KCNK10: variants seen among roughly 807,000 people sequenced by gnomAD.
KCNK10 encodes the protein potassium two pore domain channel subfamily K member 10.
KCNK10 carries 25 observed loss-of-function variants against 47.7 expected under a neutral mutation model. The observed-to-expected ratio is 0.52, with a 90% CI of 0.38 to 0.73. KCNK10 has a LOEUF of 0.73. Among genes scored for constraint, KCNK10 ranks in the 30% least tolerant of loss-of-function variants. The probability of loss-of-function intolerance (pLI) is 0.00; values close to 1 mark genes in which losing one functional copy is unlikely to be tolerated. For synonymous variants in KCNK10, 303 were observed against 285.6 expected (o/e 1.06, Z -0.61); for missense variants, 563 against 714.5 (o/e 0.79, Z 2.42).
chr14:88,298,469 T>A (rs2139787740), intron 1 of KCNK10, among the ~76,000 whole-genome samples: 1 of 152,248 alleles, frequency 6.6e-6, no homozygotes, highest in Middle Eastern at 3.4e-3. Flanking sequence ...ACAATCACCA[T>A]CCTCCACTGC....
In KCNK10 at chr14:88,240,808, C is replaced by T. The variant is rs868795034; in HGVS notation, c.415G>A (p.Ala139Thr). The change falls in exon 3 of 7, where the codon GCT becomes ACT. Residue 139 changes from alanine (A) to threonine (T), a missense_variant. Ala to Thr is a moderately conservative substitution (Grantham distance 58). Transcript: ENST00000319231. ...LETLIQHALD[A>T]DNAGVSPIGN... ...ATTGGACTGACTCCCGCATTGTCAG[C>T]ATCAAGAGCATGCTGCAAAGAAAGG... 4.4e-6 allele frequency: 7 copies of T among 1,604,628 alleles called. No individual in the cohort carries two copies. The Middle Eastern group carries it at 9.9e-4, about 227-fold the overall frequency.
In KCNK10 at chr14:88,193,628, G is replaced by A. The variant is rs117775311; in HGVS notation, c.682-1218C>T. 9.4e-3 allele frequency among the ~76,000 whole-genome samples: 1,429 copies of A among 152,272 alleles called. 9 individuals are homozygous for A. The highest frequency in any genetic ancestry group is 0.015 in the Non-Finnish European group (997 of 68,010). On this transcript the variant is annotated intron_variant, in intron 4 of 6. Coordinates refer to ENST00000319231, the MANE Select transcript of KCNK10 (RefSeq NM_138317.3). Reference sequence around the variant, plus strand: ...AATCAATATAGGAAATCCGTACCATGAGACCTGCATCCTCTTCATCGCACC... The same window carrying A: ...AATCAATATAGGAAATCCGTACCATAAGACCTGCATCCTCTTCATCGCACC...
rs138181944 is a variant in KCNK10 at position 88,192,914 on chromosome 14, T to G, written c.682-504A>C. On this transcript the variant is annotated intron_variant, in intron 4 of 6. Transcript: ENST00000319231. Reference sequence around the variant, plus strand: ...AAAAATTATCTGAGTCAGGCCAAAATGTTTGGATGAAACGGAAAACACAGT... The same window carrying G: ...AAAAATTATCTGAGTCAGGCCAAAAGGTTTGGATGAAACGGAAAACACAGT... Among the ~76,000 whole-genome samples, 85 of 152,318 alleles carry G rather than the reference T, an allele frequency of 5.6e-4. No individual in the cohort carries two copies. In the South Asian group the frequency reaches 7.0e-3, roughly 13 times the overall value.
intron 1 of KCNK10, among the ~76,000 whole-genome samples, chr14:88,320,531 T>C (rs1036806843): frequency 1.6e-4 from 24 of 152,172 alleles, no homozygotes; most frequent in Admixed American, 1.6e-3. Flanking sequence ...CTTGGATGGC[T>C]TGGGGACATG....
chr14:88,188,511 C>T (rs1884645688), intron 5 of KCNK10, among the ~76,000 whole-genome samples: 1 of 152,108 alleles, frequency 6.6e-6, no homozygotes, highest in Non-Finnish European at 1.5e-5. Flanking sequence ...ATCATATCAC[C>T]CCCTATGGTT....
intron 2 of KCNK10, among the ~76,000 whole-genome samples, chr14:88,256,369 A>T (rs1886955330): frequency 6.6e-6 from 1 of 152,152 alleles, no homozygotes; most frequent in Non-Finnish European, 1.5e-5. Flanking sequence ...GCCTGAGCCC[A>T]CCGGGTCCCT....
chr14:88,189,499 C>T (rs1194158520), intron 5 of KCNK10, among the ~76,000 whole-genome samples: 1 of 152,106 alleles, frequency 6.6e-6, no homozygotes, highest in Admixed American at 6.5e-5. Flanking sequence ...CTTTGCAAGT[C>T]ACTATTACCC....
chr14:88,258,513 A>G (rs1887021692), intron 2 of KCNK10, among the ~76,000 whole-genome samples: 1 of 151,774 alleles, frequency 6.6e-6, no homozygotes, highest in Non-Finnish European at 1.5e-5. Context: ...CTGGTCTCAA[A>G]CTCCTGACAT....
chr14:88,299,203 A>G lies in KCNK10; in HGVS notation c.52+23544T>C, dbSNP rs572564770. ...AATATCTGCAAAAGTGTCATATAGT[A>G]TCTGGCAAATACTTGTTGAAGTGAA... On this transcript the variant is annotated intron_variant, in intron 1 of 6. Transcript: ENST00000319231. Among the ~76,000 whole-genome samples the G allele has an allele frequency of 2.6e-5, 4 of 152,336 alleles. No individual in the cohort carries two copies. The South Asian group carries it at 6.2e-4, about 24-fold the overall frequency.
chr14:88,312,974 T>C (rs1177020278), intron 1 of KCNK10, among the ~76,000 whole-genome samples: 3 of 152,192 alleles, frequency 2.0e-5, no homozygotes, highest in Non-Finnish European at 2.9e-5. Flanking sequence ...TGTGGTTAAG[T>C]AGAAAATGCA....
chr14:88,270,898 G>A (rs1310328354), intron 1 of KCNK10: 10 of 764,502 alleles, frequency 1.3e-5, no homozygotes, highest in Non-Finnish European at 1.7e-5. Flanking sequence ...TAAAGTGCAG[G>A]CTCCATGCCT....
chr14:88,201,808 T>C (rs972307957), intron 4 of KCNK10, among the ~76,000 whole-genome samples: 3 of 152,236 alleles, frequency 2.0e-5, no homozygotes, highest in Non-Finnish European at 4.4e-5. Context: ...CTAAATGTAA[T>C]GAATAAAGTA....
chr14:88,227,429 G>A lies in KCNK10; in HGVS notation c.627C>T (p.Asp209=). Residue 209 remains aspartate, a synonymous_variant, in exon 4 of 7, where the codon GAC becomes GAT. Coordinates refer to ENST00000319231, the MANE Select transcript of KCNK10 (RefSeq NM_138317.3). Reference sequence around the variant, plus strand: ...TTTTCCCAAAGATGGTTCCAAGTTGGTCTCCAATTCCAGCCAATAAGAAAC... The same window carrying A: ...TTTTCCCAAAGATGGTTCCAAGTTGATCTCCAATTCCAGCCAATAAGAAAC... ...LFGFLLAGIG[D]QLGTIFGKSI... The A allele has an allele frequency of 1.2e-6, 2 of 1,613,618 alleles. No homozygotes were observed. The highest frequency in any genetic ancestry group is 8.5e-7 in the Non-Finnish European group (1 of 1,179,860).
At chr14:88,218,493 C>A (rs1362689901) in intron 4 of KCNK10, among the ~76,000 whole-genome samples, 1 of 151,512 alleles carries the variant, frequency 6.6e-6, no homozygotes, top group East Asian at 1.9e-4. Context: ...CAGTGACACC[C>A]AGAATCATTT....
chr14:88,279,365 G>A (rs1447839250), intron 1 of KCNK10, among the ~76,000 whole-genome samples: 3 of 8,798 alleles, frequency 3.4e-4, no homozygotes, highest in African/African-American at 7.5e-4. Context: ...TGCCAGATAC[G>A]TGTGTGTGTG....
chr14:88,302,590 A>T (rs907247580), intron 1 of KCNK10, among the ~76,000 whole-genome samples: 2 of 151,930 alleles, frequency 1.3e-5, no homozygotes, highest in Non-Finnish European at 2.9e-5. Context: ...CATGCCTGTT[A>T]TCCCAGCTAC....
intron 1 of KCNK10, among the ~76,000 whole-genome samples, chr14:88,298,779 G>A (rs1033399910): frequency 2.0e-5 from 3 of 152,258 alleles, no homozygotes; most frequent in Middle Eastern, 3.4e-3. Context: ...CTGATCATCT[G>A]TGAAAATAAA....
At chr14:88,235,152 T>C (rs1595096221) in intron 3 of KCNK10, 1 of 456,558 alleles carries the variant, frequency 2.2e-6, no homozygotes, top group Non-Finnish European at 4.4e-6. Context: ...AGAAACACTC[T>C]GTCACAGAAA....
Position 88,259,898 on chromosome 14 carries a change from C to T in KCNK10, c.402+3304G>A, listed in dbSNP as rs143832279. 9.2e-5 allele frequency among the ~76,000 whole-genome samples: 14 copies of T among 152,248 alleles called. 1 individual carries two copies. The East Asian group carries it at 2.7e-3, about 29-fold the overall frequency. On this transcript the variant is annotated intron_variant, in intron 2 of 6. Coordinates refer to ENST00000319231, the MANE Select transcript of KCNK10 (RefSeq NM_138317.3). ...GGGGGCAGATTTCCCTCTTGCTGTT[C>T]TTGTGATAGTGAGTGAGTTCTCATG...
Sources: gnomAD v4.1 joint callset for allele counts (sites outside exome capture counted in the v4.1 genomes callset) on GRCh38, gnomAD v4.1.1 for gene constraint, MANE v1.5 for transcripts, NCBI Gene and HGNC (gene_info 2026-07-23, HGNC 2026-07-21) for gene names.